LRFN1: variants seen among roughly 807,000 people sequenced by gnomAD.
The protein encoded by LRFN1 is leucine-rich repeat and fibronectin type III domain-containing protein 1.
A neutral mutation model predicts 31.8 loss-of-function variants in LRFN1; 20 were observed. That is an observed-to-expected ratio of 0.63 (90% confidence interval 0.44 to 0.91). The LOEUF is 0.91. Among genes scored for constraint, LRFN1 ranks in the 40% least tolerant of loss-of-function variants. The pLI is 0.00. For missense variants in LRFN1, 912 were observed against 1,129.8 expected, an observed-to-expected ratio of 0.81 and a Z score of 2.76; for synonymous variants, 514 against 541.3, an observed-to-expected ratio of 0.95 and a Z score of 0.70.
At chr19:39,316,260 A>G (rs2075171740) in intron 2 of LRFN1, 124 bp from the exon 3 acceptor site, 1 of 152,244 alleles carries the variant, frequency 6.6e-6, no homozygotes, top group Admixed American at 6.5e-5. Context: ...AATCATCATC[A>G]TGATCATCAA....
At chr19:39,318,515 A>G (rs1247377937) in intron 1 of LRFN1, among the ~76,000 whole-genome samples, 157 bp from the exon 2 acceptor site, 4 of 152,150 alleles carry the variant, frequency 2.6e-5, no homozygotes, top group African/African-American at 7.2e-5. Context: ...GGAACCCAGA[A>G]GTCCTCTCTG....
At position 39,315,087 on chromosome 19, in the gene LRFN1, C is replaced by T; in HGVS notation, c.250G>A (p.Asp84Asn). Reference protein sequence around the residue: ...DNFIAAVRRRDFANMTSLVHL... With the variant: ...DNFIAAVRRRNFANMTSLVHL... Reference sequence around the variant, plus strand: ...ACCAGGCTGGTCATGTTGGCGAAGTCTCGGCGGCGCACGGCGGCGATGAAG... The same window carrying T: ...ACCAGGCTGGTCATGTTGGCGAAGTTTCGGCGGCGCACGGCGGCGATGAAG... Residue 84 changes from aspartate (D) to asparagine (N), a missense_variant, in exon 4 of 5, where the codon GAC becomes AAC. Physicochemically the swap from Asp to Asn is conservative, Grantham distance 23. Around this residue, in one of 2 missense-constraint regions of LRFN1, gnomAD observed 401 missense variants for 572.7 expected, o/e 0.70. Transcript: ENST00000248668. This position sits in a 1 kb window ranked among gnomAD's most constrained non-coding sequence, Gnocchi z 4.7. 6.3e-7 allele frequency: 1 copy of T among 1,595,432 alleles called. No homozygotes were observed. Among genetic ancestry groups the T allele is most frequent in the Non-Finnish European group, 8.5e-7 (1 of 1,178,198 alleles).
intron 1 of LRFN1, among the ~76,000 whole-genome samples, chr19:39,320,270 C>A (rs1355043400): frequency 1.3e-5 from 2 of 151,572 alleles, no homozygotes; most frequent in African/African-American, 4.9e-5. Context: ...GCCGTGGACT[C>A]ACAGATACAC....
At chr19:39,319,807 C>T (rs2075182329) in intron 1 of LRFN1, among the ~76,000 whole-genome samples, 1 of 152,102 alleles carries the variant, frequency 6.6e-6, no homozygotes, top group South Asian at 2.1e-4. Context: ...AGGGCAAAAG[C>T]CAGGCCAGAG....
In LRFN1 at chr19:39,315,103, G is replaced by A. The variant is rs1220363691; in HGVS notation, c.234C>T (p.Ala78=). ...VELRLTDNFI[A]AVRRRDFANM... ...TGGCGAAGTCTCGGCGGCGCACGGC[G>A]GCGATGAAGTTGTCGGTGAGCCGCA... Residue 78 remains alanine (A), a synonymous_variant, in exon 4 of 5, where the codon GCC becomes GCT. Transcript: ENST00000248668. This position sits in a 1 kb window ranked among gnomAD's most constrained non-coding sequence, Gnocchi z 4.7. 5.0e-6 allele frequency: 8 copies of A among 1,593,992 alleles called. No homozygotes were observed. Among genetic ancestry groups the A allele is most frequent in the Middle Eastern group, 1.6e-4 (1 of 6,072 alleles).
At chr19:39,318,740 G>A (rs770716735) in intron 1 of LRFN1, among the ~76,000 whole-genome samples, 1 of 152,180 alleles carries the variant, frequency 6.6e-6, no homozygotes, top group South Asian at 2.1e-4. Context: ...CCAAGAGCTG[G>A]GGAAGGGCCA....
chr19:39,315,337 G>C lies in LRFN1; in HGVS notation c.-1C>G, dbSNP rs1166337050. 1.4e-6 allele frequency: 2 copies of C among 1,451,234 alleles called. No homozygotes were observed. The highest frequency in any genetic ancestry group is 4.9e-5 in the East Asian group (2 of 40,566). The allele number at this position is 1,451,234 out of a possible 1,614,324, so 89.9% of individuals were successfully genotyped here. On this transcript the variant is annotated 5_prime_UTR_variant, in exon 4 of 5. Coordinates refer to ENST00000248668, the MANE Select transcript of LRFN1 (RefSeq NM_020862.2). This position sits in a 1 kb window ranked among gnomAD's most constrained non-coding sequence, Gnocchi z 4.7. ...CCGAGGAGAAGGGTCCTGGAGCCAT[G>C]GTGCAGTGGGAAGGCAGGAGGGGTG...
Position 39,319,065 on chromosome 19 carries a change from A to G in LRFN1, c.-125-707T>C, listed in dbSNP as rs150118730. 5.3e-3 allele frequency among the ~76,000 whole-genome samples: 803 copies of G among 152,210 alleles called. 7 individuals are homozygous for G. The highest frequency in any genetic ancestry group is 7.2e-3 in the Non-Finnish European group (492 of 68,006). On this transcript the variant is annotated intron_variant, in intron 1 of 4. Coordinates refer to ENST00000248668, the MANE Select transcript of LRFN1 (RefSeq NM_020862.2). ...TTCACATACATGTCTGAACATACAC[A>G]ACCCCCAGAGACCAACACCAAAACA...
At position 39,308,567 on chromosome 19, in the gene LRFN1, C is replaced by T. The variant is rs373799489; in HGVS notation, c.1407-25G>A. 32 of 766,224 alleles carry T rather than the reference C, an allele frequency of 4.2e-5. No homozygotes were observed. The highest frequency in any genetic ancestry group is 3.5e-4 in the East Asian group (9 of 25,786). 47.5% of individuals were successfully genotyped at this position (766,224 alleles called of 1,614,324 possible). The stretch of plus-strand genomic sequence containing the variant: ...CCTGTAGGAGGGGGCGGGTTCAGGG[C>T]GGGGTTAGTCCCCCCGAACCACGCC... On this transcript the variant is annotated intron_variant, in intron 4 of 4. Coordinates refer to ENST00000248668, the MANE Select transcript of LRFN1 (RefSeq NM_020862.2). This position sits in a 1 kb window ranked among gnomAD's most constrained non-coding sequence, Gnocchi z 6.2.
chr19:39,308,879 C>A lies in LRFN1; in HGVS notation c.1407-337G>T, dbSNP rs933881705. ...TTAAGCCCTGCCCTCAAGGGACATG[C>A]TCCCTAGCTATGTCTCACTCTTGCT... On this transcript the variant is annotated intron_variant, in intron 4 of 4. Coordinates refer to ENST00000248668, the MANE Select transcript of LRFN1 (RefSeq NM_020862.2). This position sits in a 1 kb window ranked among gnomAD's most constrained non-coding sequence, Gnocchi z 6.2. Among the ~76,000 whole-genome samples, 1 of 152,198 alleles carries A rather than the reference C, an allele frequency of 6.6e-6. No homozygotes were observed. Among genetic ancestry groups the A allele is most frequent in the Non-Finnish European group, 1.5e-5 (1 of 68,032 alleles).
Position 39,314,138 on chromosome 19 carries a change from G to C in LRFN1, c.1199C>G (p.Pro400Arg). Residue 400 changes from proline to arginine, a missense_variant, in exon 4 of 5, where the codon CCG becomes CGG. Physicochemically the swap from Pro to Arg is moderately radical, Grantham distance 103 (BLOSUM62 -2). Around this residue, in one of 2 missense-constraint regions of LRFN1, gnomAD observed 511 missense variants for 557.0 expected, o/e 0.92. Coordinates refer to ENST00000248668, the MANE Select transcript of LRFN1 (RefSeq NM_020862.2). ...LPLMAPPPAA[P>R]PPLTEPGSSD... is the part of the protein sequence containing the mutation. Reference sequence around the variant, plus strand: ...GGAGCCGGGCTCGGTGAGAGGCGGCGGGGCAGCCGGCGGGGGTGCCATCAG... The same window carrying C: ...GGAGCCGGGCTCGGTGAGAGGCGGCCGGGCAGCCGGCGGGGGTGCCATCAG... 1 of 1,611,914 alleles carries C rather than the reference G, an allele frequency of 6.2e-7. No individual in the cohort carries two copies.
In LRFN1 at chr19:39,318,501, C is replaced by T. The variant is rs141485760; in HGVS notation, c.-125-143G>A. 1.4e-3 allele frequency: 210 copies of T among 152,312 alleles called. 1 individual carries two copies. Among genetic ancestry groups the T allele is most frequent in the African/African-American group, 4.6e-3 (191 of 41,530 alleles). The allele number at this position is 152,312 out of a possible 1,614,324, so 9.4% of individuals were successfully genotyped here. On this transcript the variant is annotated intron_variant, in intron 1 of 4. Coordinates refer to ENST00000248668, the MANE Select transcript of LRFN1 (RefSeq NM_020862.2). ...TCCTGTGGCGGGTTTTGCATAGTCT[C>T]ACAGGAACCCAGAAGTCCTCTCTGG...
At chr19:39,313,737 G>A (rs897716917) in intron 4 of LRFN1, among the ~76,000 whole-genome samples, 194 bp downstream of exon 4, 3 of 152,172 alleles carry the variant, frequency 2.0e-5, no homozygotes, top group Non-Finnish European at 4.4e-5. Flanking sequence ...GGTGCTCAGC[G>A]AATATTTTCT....
At position 39,306,767 on chromosome 19, in the gene LRFN1, A is replaced by ACACT; in HGVS notation, c.*865_*866insAGTG. ...CACACACACACACACACACACACAC[A>ACACT]CACACTACACGCGGACACACATACA... is the stretch of plus-strand genomic sequence containing the variant. On this transcript the variant is annotated 3_prime_UTR_variant, in exon 5 of 5. Transcript: ENST00000248668. 1 of 151,708 alleles carries ACACT rather than the reference A, an allele frequency of 6.6e-6. No homozygotes were observed. Among genetic ancestry groups the ACACT allele is most frequent in the East Asian group, 1.9e-4 (1 of 5,226 alleles). 9.4% of individuals were successfully genotyped at this position (151,708 alleles called of 1,614,324 possible). A position where few individuals can be genotyped will look rare whatever the true frequency, so the allele number is the denominator to read the frequency against.
Position 39,308,090 on chromosome 19 carries a change from G to A in LRFN1, c.1859C>T (p.Ala620Val), listed in dbSNP as rs1180200051. 1 of 1,496,258 alleles carries A rather than the reference G, an allele frequency of 6.7e-7. No homozygotes were observed. 92.7% of individuals were successfully genotyped at this position (1,496,258 alleles called of 1,614,324 possible). A position where few individuals can be genotyped will look rare whatever the true frequency, so the allele number is the denominator to read the frequency against. The change falls in exon 5 of 5, where the codon GCC (alanine) becomes GTC (valine). Residue 620 changes from alanine to valine, a missense_variant. By Grantham distance (64) the Ala-to-Val change is moderately conservative. This residue lies in a region of LRFN1 where 511 missense variants were observed against 557.0 expected (regional missense o/e 0.92). Coordinates refer to ENST00000248668, the MANE Select transcript of LRFN1 (RefSeq NM_020862.2). This position sits in a 1 kb window ranked among gnomAD's most constrained non-coding sequence, Gnocchi z 6.2. ...GGCCTCCATGGCCTTGGCCTCGACGGCGACGGCGGGGGCAGCCTGGGACTC... is the reference window on the plus strand; with the variant it reads ...GGCCTCCATGGCCTTGGCCTCGACGACGACGGCGGGGGCAGCCTGGGACTC... ...EVESQAAPAV[A>V]VEAKAMEAET...
intron 1 of LRFN1, among the ~76,000 whole-genome samples, chr19:39,320,021 C>T (rs1293781144): frequency 6.6e-6 from 1 of 151,050 alleles, no homozygotes; most frequent in Non-Finnish European, 1.5e-5. Flanking sequence ...TCTTCGCCCC[C>T]CAACCCCCAC....
chr19:39,309,827 C>A (rs536212473), intron 4 of LRFN1, among the ~76,000 whole-genome samples: 2 of 152,324 alleles, frequency 1.3e-5, no homozygotes, highest in African/African-American at 4.8e-5. Context: ...TTGCTGTAGG[C>A]CCCTCCCCTC....
In LRFN1 at chr19:39,308,064, C is replaced by T. The variant is rs2075136088; in HGVS notation, c.1885G>A (p.Glu629Lys). The T allele has an allele frequency of 3.3e-6, 5 of 1,516,310 alleles. No homozygotes were observed. The highest frequency in any genetic ancestry group is 4.4e-6 in the Non-Finnish European group (5 of 1,137,004). The allele number at this position is 1,516,310 out of a possible 1,614,324, so 93.9% of individuals were successfully genotyped here. ...ACCTCCGGCTCCGCGGATGCCGTCTCGGCCTCCATGGCCTTGGCCTCGACG... is the reference window on the plus strand; with the variant it reads ...ACCTCCGGCTCCGCGGATGCCGTCTTGGCCTCCATGGCCTTGGCCTCGACG... ...VAVEAKAMEA[E>K]TASAEPEVVL... The change falls in exon 5 of 5, where the codon GAG (glutamate) becomes AAG (lysine). Residue 629 changes from glutamate (E) to lysine (K), a missense_variant. This residue lies in a region of LRFN1 where 511 missense variants were observed against 557.0 expected (regional missense o/e 0.92). Transcript: ENST00000248668. This position sits in a 1 kb window ranked among gnomAD's most constrained non-coding sequence, Gnocchi z 6.2.
At chr19:39,309,501 A>AAAAAAAAAAAAAAAC (rs1568568243) in intron 4 of LRFN1, among the ~76,000 whole-genome samples, 1 of 148,538 alleles carries the variant, frequency 6.7e-6, no homozygotes, top group African/African-American at 2.5e-5. Flanking sequence ...AAAAAAAAAA[A>AAAAAAAAAAAAAAAC]AAAAAACCAT....
Sources: gnomAD v4.1 joint callset for allele counts (sites outside exome capture counted in the v4.1 genomes callset) on GRCh38, gnomAD v4.1.1 for gene constraint, gnomAD v4.1.1 regional missense constraint, Gnocchi (gnomAD v3.1) non-coding constraint, MANE v1.5 for transcripts, NCBI Gene and HGNC (gene_info 2026-07-23, HGNC 2026-07-21) for gene names.